The following ADGRV1 variants were observed in gnomAD, a reference collection of about 807,000 sequenced individuals.
ADGRV1 encodes adhesion G protein-coupled receptor V1.
ADGRV1 carries 359 observed loss-of-function variants against 596.2 expected under a neutral mutation model. That is an observed-to-expected ratio of 0.60 (90% CI 0.55 to 0.66). The LOEUF is 0.66. Among genes scored for constraint, ADGRV1 ranks in the 30% least tolerant of loss-of-function variants. The pLI, the probability that ADGRV1 is intolerant of heterozygous loss-of-function variation, is 0.00. For synonymous variants in ADGRV1, 2,681 were observed against 2,679.2 expected (o/e 1.00, Z -0.02); for missense variants, 7,274 against 7,575.6 (o/e 0.96, Z 1.48).
chr5:90,952,282 C>T (rs1271137128), intron 83 of ADGRV1, among the ~76,000 whole-genome samples: 1 of 152,178 alleles, frequency 6.6e-6, no homozygotes, highest in Non-Finnish European at 1.5e-5. Flanking sequence ...AGAGAAAATT[C>T]ACCTTCATTC....
chr5:91,017,718 GT>G lies in ADGRV1; in HGVS notation c.18152+32200del, dbSNP rs1179765425. ...GATGTGAATTTACCCCCAGGACAATGTTTTCCAGTGTGTGGTTTCCAGGTGA... is the reference window on the plus strand; with the variant it reads ...GATGTGAATTTACCCCCAGGACAATGTTTCCAGTGTGTGGTTTCCAGGTGA... On this transcript the variant is annotated intron_variant, in intron 85 of 89. Coordinates refer to ENST00000405460, the MANE Select transcript of ADGRV1 (RefSeq NM_032119.4). Among the ~76,000 whole-genome samples the G allele has an allele frequency of 3.3e-5, 5 of 151,842 alleles. No homozygotes were observed. In the East Asian group the frequency reaches 9.7e-4, roughly 29 times the overall value.
rs541048582 is a variant in ADGRV1 at position 90,676,374 on chromosome 5, A to C, written c.5443+165A>C. On this transcript the variant is annotated intron_variant, in intron 25 of 89. Transcript: ENST00000405460. ...GCCTGAAAGTTAATAATTGCTTAAG[A>C]TACATGATAATATATACCATAATAT... is the stretch of plus-strand genomic sequence containing the variant. 2.6e-5 allele frequency among the ~76,000 whole-genome samples: 4 copies of C among 152,338 alleles called. No homozygotes were observed. In the South Asian group the frequency reaches 8.3e-4, roughly 32 times the overall value.
At chr5:91,083,950 CA>C (rs1387391343) in intron 86 of ADGRV1, among the ~76,000 whole-genome samples, 2 of 152,102 alleles carry the variant, frequency 1.3e-5, no homozygotes, top group African/African-American at 4.8e-5. Flanking sequence ...TATTGTTTTA[CA>C]AAATAATTTT....
intron 85 of ADGRV1, among the ~76,000 whole-genome samples, chr5:91,034,793 G>A (rs114792487): frequency 6.6e-6 from 1 of 152,070 alleles, no homozygotes; most frequent in Admixed American, 6.6e-5. Flanking sequence ...TGGGTGTTTT[G>A]GTGGACATCC....
chr5:91,082,791 T>A (rs1789515355), intron 86 of ADGRV1, among the ~76,000 whole-genome samples: 1 of 152,196 alleles, frequency 6.6e-6, no homozygotes, highest in South Asian at 2.1e-4. Context: ...TAACACACTA[T>A]GGCTCTCTCT....
At chr5:91,098,344 G>A (rs1370565444) in intron 86 of ADGRV1, among the ~76,000 whole-genome samples, 1 of 150,760 alleles carries the variant, frequency 6.6e-6, no homozygotes, top group East Asian at 2.0e-4. Context: ...CCTAAAGAGG[G>A]TTAAAGGTGC....
chr5:90,688,093 T>C (rs541557899), intron 29 of ADGRV1, among the ~76,000 whole-genome samples: 1 of 152,108 alleles, frequency 6.6e-6, no homozygotes, highest in Admixed American at 6.5e-5. Flanking sequence ...GCCGAGTCAA[T>C]CCTAAGCCAA....
chr5:90,915,319 A>C (rs865896952), intron 83 of ADGRV1, among the ~76,000 whole-genome samples: 6 of 152,224 alleles, frequency 3.9e-5, no homozygotes, highest in Non-Finnish European at 7.3e-5. Flanking sequence ...TCTGGTTTAA[A>C]GGACTCTGAT....
intron 83 of ADGRV1, among the ~76,000 whole-genome samples, chr5:90,882,212 T>C (rs754442430): frequency 6.6e-6 from 1 of 152,216 alleles, no homozygotes; most frequent in Non-Finnish European, 1.5e-5. Flanking sequence ...ATACTATAAT[T>C]ATTTTAAAAG....
intron 78 of ADGRV1, among the ~76,000 whole-genome samples, chr5:90,847,192 C>T (rs1398745386): frequency 3.1e-4 from 44 of 140,138 alleles, no homozygotes; most frequent in African/African-American, 4.8e-4. Flanking sequence ...GGTGTGTTTA[C>T]AAACCTTGAG....
At chr5:90,898,415 C>T (rs778058072) in intron 83 of ADGRV1, among the ~76,000 whole-genome samples, 1 of 152,092 alleles carries the variant, frequency 6.6e-6, no homozygotes, top group African/African-American at 2.4e-5. Context: ...TTTAGTTTAG[C>T]TCCTACATTT....
intron 1 of ADGRV1, among the ~76,000 whole-genome samples, chr5:90,583,381 A>G: frequency 6.6e-6 from 1 of 152,164 alleles, no homozygotes; most frequent in East Asian, 1.9e-4. Context: ...GTTTGAAAAA[A>G]ACATTGAGCT....
chr5:90,788,077 T>G lies in ADGRV1; in HGVS notation c.13660T>G (p.Trp4554Gly). The G allele has an allele frequency of 6.3e-7, 1 of 1,599,038 alleles. No individual in the cohort carries two copies. The highest frequency in any genetic ancestry group is 1.1e-5 in the South Asian group (1 of 87,144). ...AACCAAAAACATCCCGCAGGTGAAC[T>G]GGGAGACAGTAGGACCCAACTCTCA... is the stretch of plus-strand genomic sequence containing the variant. ...GGLLGEIQVN[W>G]ETVGPNSQEA... is the part of the protein sequence containing the mutation. Residue 4554 changes from tryptophan (W) to glycine (G), a missense_variant, in exon 68 of 90, where the codon TGG (tryptophan) becomes GGG (glycine). Physicochemically the swap from Trp to Gly is radical, Grantham distance 184 (BLOSUM62 -2). Transcript: ENST00000405460.
rs199869109 is a variant in ADGRV1, at chr5:90,694,380, C to G, written c.7624C>G (p.Leu2542Val). 5.8e-5 allele frequency: 93 copies of G among 1,614,000 alleles called. No homozygotes were observed. In the African/African-American group the frequency reaches 1.2e-3, roughly 20 times the overall value. The change falls in exon 33 of 90, where the codon CTC becomes GTC. Residue 2542 changes from leucine to valine, a missense_variant. By Grantham distance (32) the Leu-to-Val change is conservative. This residue lies in a region of ADGRV1 where 3,643 missense variants were observed against 3,809.2 expected (regional missense o/e 0.96). Transcript: ENST00000405460. ...PEMDESFLISLLEVHLMNISA... is the reference protein window; with the variant it reads ...PEMDESFLISVLEVHLMNISA... ...GATGGATGAGAGTTTTCTAATTTCT[C>G]TCCTTGAAGTTCACCTCATGAACAT...
intron 83 of ADGRV1, among the ~76,000 whole-genome samples, chr5:90,951,390 T>C (rs1777051818): frequency 6.6e-6 from 1 of 152,174 alleles, no homozygotes; most frequent in Non-Finnish European, 1.5e-5. Flanking sequence ...TTCTTGAAAA[T>C]AGACAATAGG....
chr5:90,863,945 TA>T, intron 83 of ADGRV1, 88 bp downstream of exon 83: 1 of 827,798 alleles, frequency 1.2e-6, no homozygotes, highest in Non-Finnish European at 2.0e-6. Context: ...AAGTAAAGTT[TA>T]ATCTCAACTT....
At chr5:90,638,611 T>TA (rs898849685) in intron 11 of ADGRV1, among the ~76,000 whole-genome samples, 8 of 151,734 alleles carry the variant, frequency 5.3e-5, no homozygotes, top group African/African-American at 1.9e-4. Flanking sequence ...TTAATAATTC[T>TA]AAAAAATCAG....
At chr5:90,865,566 AC>A (rs1321836338) in intron 83 of ADGRV1, among the ~76,000 whole-genome samples, 1 of 152,182 alleles carries the variant, frequency 6.6e-6, no homozygotes, top group Non-Finnish European at 1.5e-5. Flanking sequence ...TTTTTAGAAT[AC>A]ATGAAACAAT....
At position 90,803,039 on chromosome 5, in the gene ADGRV1, T is replaced by C. The variant is rs150851545; in HGVS notation, c.14661+157T>C. ...CAAAGTAGATGTAACAGATATATTA[T>C]ATAAAATAATTAGTCTATTTTCAAC... On this transcript the variant is annotated intron_variant, in intron 71 of 89. Coordinates refer to ENST00000405460, the MANE Select transcript of ADGRV1 (RefSeq NM_032119.4). 2.0e-3 allele frequency among the ~76,000 whole-genome samples: 302 copies of C among 152,260 alleles called. 2 individuals carry two copies. The highest frequency in any genetic ancestry group is 6.9e-3 in the African/African-American group (287 of 41,564).
Sources: gnomAD v4.1 joint callset for allele counts (sites outside exome capture counted in the v4.1 genomes callset) on GRCh38, gnomAD v4.1.1 for gene constraint, gnomAD v4.1.1 regional missense constraint, MANE v1.5 for transcripts, NCBI Gene and HGNC (gene_info 2026-07-23, HGNC 2026-07-21) for gene names.